Variants in XPR1 observed in about 807,000 individuals in gnomAD.
XPR1 encodes the protein xenotropic and polytropic retrovirus receptor 1.
In XPR1, 28 loss-of-function variants were observed where a neutral mutation model predicts 87.5. The observed-to-expected ratio is 0.32, with a 90% CI of 0.24 to 0.44. The LOEUF (loss-of-function observed/expected upper bound fraction) is 0.44. Ranked by LOEUF, XPR1 falls within the 20% of genes least tolerant of loss-of-function variation. XPR1 has a pLI of 1.00. For synonymous variants in XPR1, 300 were observed against 306.1 expected (o/e 0.98, Z 0.21); for missense variants, 559 against 862.3 (o/e 0.65, Z 4.41).
intron 2 of XPR1, among the ~76,000 whole-genome samples, chr1:180,693,259 C>T (rs1357918533): frequency 6.6e-6 from 1 of 152,062 alleles, no homozygotes; most frequent in African/African-American, 2.4e-5. Flanking sequence ...GAGTTGTTTT[C>T]ATTTTCTTTA....
At chr1:180,757,368 T>G (rs1647788232) in intron 2 of XPR1, among the ~76,000 whole-genome samples, 1 of 152,194 alleles carries the variant, frequency 6.6e-6, no homozygotes, top group African/African-American at 2.4e-5. Flanking sequence ...GAAACAACTT[T>G]TTAGATTTTA....
At chr1:180,825,368 A>T in intron 9 of XPR1, 24 bp downstream of exon 9, 7 of 1,597,480 alleles carry the variant, frequency 4.4e-6, no homozygotes, top group Non-Finnish European at 6.0e-6. Context: ...CTTGTGTACC[A>T]CTTTTAGAGT....
intron 12 of XPR1, among the ~76,000 whole-genome samples, chr1:180,872,856 T>C (rs893789464): frequency 1.3e-5 from 2 of 152,152 alleles, no homozygotes; most frequent in Admixed American, 6.5e-5. Context: ...ATTATTCTTA[T>C]TACACATATT....
chr1:180,821,248 A>G (rs918632569), intron 7 of XPR1, among the ~76,000 whole-genome samples: 7 of 152,212 alleles, frequency 4.6e-5, no homozygotes, highest in African/African-American at 1.7e-4. Flanking sequence ...ACAAGGGACC[A>G]ACTTCACTTT....
chr1:180,683,339 C>A (rs1482882037), intron 2 of XPR1, among the ~76,000 whole-genome samples: 1 of 151,696 alleles, frequency 6.6e-6, no homozygotes, highest in Admixed American at 6.6e-5. Context: ...TGTATCTGTG[C>A]CACATTTTCT....
intron 11 of XPR1, among the ~76,000 whole-genome samples, chr1:180,837,326 A>G (rs1383950008): frequency 6.6e-6 from 1 of 152,258 alleles, no homozygotes; most frequent in Non-Finnish European, 1.5e-5. Context: ...TCCTTTTAGT[A>G]AAATGCGTTC....
intron 1 of XPR1, among the ~76,000 whole-genome samples, chr1:180,656,645 AT>A (rs532806373): frequency 0.094 from 11,140 of 119,002 alleles, 743 homozygotes; most frequent in African/African-American, 0.16. Context: ...ATAATATATT[AT>A]TATATATAAT....
chr1:180,662,067 G>C (rs994270706), intron 1 of XPR1, among the ~76,000 whole-genome samples: 3 of 152,006 alleles, frequency 2.0e-5, no homozygotes, highest in African/African-American at 7.3e-5. Context: ...TATTATTTTT[G>C]ATCAGTTCAT....
chr1:180,777,201 C>T (rs921881255), intron 2 of XPR1, among the ~76,000 whole-genome samples: 1 of 152,124 alleles, frequency 6.6e-6, no homozygotes, highest in African/African-American at 2.4e-5. Flanking sequence ...TGAATTTTTT[C>T]ACTTCTCTGT....
intron 7 of XPR1, among the ~76,000 whole-genome samples, chr1:180,817,128 A>G (rs1408365781): frequency 6.6e-6 from 1 of 152,126 alleles, no homozygotes; most frequent in Non-Finnish European, 1.5e-5. Context: ...AAAATAGAAA[A>G]AAGTTTATAG....
chr1:180,843,677 G>T (rs1571888819), intron 11 of XPR1, among the ~76,000 whole-genome samples: 7 of 144,814 alleles, frequency 4.8e-5, no homozygotes, highest in South Asian at 2.2e-4. Context: ...CATCTTCTTT[G>T]TTACTTAAAG....
intron 14 of XPR1, 137 bp from the exon 15 acceptor site, chr1:180,883,869 T>C: frequency 1.6e-6 from 1 of 636,534 alleles, no homozygotes; most frequent in Non-Finnish European, 2.6e-6. Flanking sequence ...TCTAGAATAA[T>C]CCGTCTGGTA....
At chr1:180,696,171 T>TGG (rs1657159310) in intron 2 of XPR1, among the ~76,000 whole-genome samples, 2 of 83,818 alleles carry the variant, frequency 2.4e-5, no homozygotes, top group South Asian at 4.2e-4. Context: ...CCTGGGTGTG[T>TGG]GTGTGTGTGT....
At chr1:180,681,791 C>T (rs1656586552) in intron 1 of XPR1, among the ~76,000 whole-genome samples, 1 of 152,064 alleles carries the variant, frequency 6.6e-6, no homozygotes, top group East Asian at 1.9e-4. Flanking sequence ...CCTCAGCCTT[C>T]TGAGTAGCTA....
chr1:180,710,795 C>A (rs1030527538), intron 2 of XPR1, among the ~76,000 whole-genome samples: 1 of 139,486 alleles, frequency 7.2e-6, no homozygotes, highest in Non-Finnish European at 1.6e-5. Flanking sequence ...GGCGCCCCCC[C>A]ACCTCCCGGA....
At chr1:180,878,620 G>T (rs778056845) in intron 13 of XPR1, among the ~76,000 whole-genome samples, 1 of 152,086 alleles carries the variant, frequency 6.6e-6, no homozygotes, top group Non-Finnish European at 1.5e-5. Flanking sequence ...CTCATCCAAG[G>T]TCATTACAGC....
chr1:180,780,403 G>C (rs978220742), intron 2 of XPR1, among the ~76,000 whole-genome samples: 4 of 152,130 alleles, frequency 2.6e-5, no homozygotes, highest in Non-Finnish European at 4.4e-5. Context: ...TTTCACTAAT[G>C]ACTGATGTGT....
At chr1:180,756,107 C>G (rs989596108) in intron 2 of XPR1, among the ~76,000 whole-genome samples, 1 of 152,212 alleles carries the variant, frequency 6.6e-6, no homozygotes, top group African/African-American at 2.4e-5. Context: ...TGATTAAATG[C>G]AGTGTGAAGA....
chr1:180,730,875 T>C (rs753155902), intron 2 of XPR1, among the ~76,000 whole-genome samples: 4 of 151,888 alleles, frequency 2.6e-5, no homozygotes, highest in African/African-American at 7.3e-5. Flanking sequence ...CTGTGTTACC[T>C]AGGCTGGTCT....
Sources: allele counts gnomAD v4.1 joint callset (sites outside exome capture counted in the v4.1 genomes callset), GRCh38; gene constraint gnomAD v4.1.1; transcripts MANE v1.5; gene names NCBI Gene and HGNC (gene_info 2026-07-23, HGNC 2026-07-21).